The following GTF3C1 variants were observed in gnomAD, a reference collection of about 807,000 sequenced individuals.
The protein encoded by GTF3C1 is general transcription factor IIIC subunit 1.
A neutral mutation model predicts 226.7 loss-of-function variants in GTF3C1; 57 were observed. The observed-to-expected ratio is 0.25, with a 90% CI of 0.20 to 0.31. The LOEUF (loss-of-function observed/expected upper bound fraction) is 0.31, where lower values mean the gene tolerates loss of function less well. Ranked by LOEUF, GTF3C1 falls within the 10% of genes least tolerant of loss-of-function variation. The probability of loss-of-function intolerance (pLI) is 1.00; values close to 1 mark genes in which losing one functional copy is unlikely to be tolerated. For synonymous variants in GTF3C1, 1,090 were observed against 1,084.8 expected, an observed-to-expected ratio of 1.00 and a Z score of -0.09; for missense variants, 2,217 against 2,776.1, an observed-to-expected ratio of 0.80 and a Z score of 4.53.
At chr16:27,509,456 T>C (rs1195853376) in intron 7 of GTF3C1, among the ~76,000 whole-genome samples, 1 of 152,158 alleles carries the variant, frequency 6.6e-6, no homozygotes, top group African/African-American at 2.4e-5. Flanking sequence ...TCTTTGACTT[T>C]TCAGAAGTAT....
intron 6 of GTF3C1, among the ~76,000 whole-genome samples, chr16:27,526,972 A>G (rs1038964609): frequency 6.6e-6 from 1 of 152,220 alleles, no homozygotes; most frequent in African/African-American, 2.4e-5. Context: ...TTGGGAGGCC[A>G]AGGCAGGAGA....
At chr16:27,547,130 C>T (rs537675845) in intron 1 of GTF3C1, among the ~76,000 whole-genome samples, 6 of 152,252 alleles carry the variant, frequency 3.9e-5, no homozygotes, top group East Asian at 1.9e-4. Context: ...CCAGCCACAC[C>T]GCCTCAGTCT....
intron 26 of GTF3C1, chr16:27,482,645 G>A (rs2088073122): frequency 8.7e-6 from 4 of 458,888 alleles, no homozygotes; most frequent in South Asian, 4.6e-5. Flanking sequence ...GCGAAGGGCA[G>A]GAGTCTGGGT....
In GTF3C1 at chr16:27,483,034, C is replaced by T; in HGVS notation, c.4083+10G>A. The T allele has an allele frequency of 1.2e-6, 2 of 1,613,344 alleles. No homozygotes were observed. The highest frequency in any genetic ancestry group is 2.2e-5 in the East Asian group (1 of 44,892). On this transcript the variant is annotated intron_variant, in intron 26 of 36. Transcript: ENST00000356183. ...AAGCATACCAAGCCCTACACTCACA[C>T]AGGACCTACCTTTGGGTCATCATAG...
At chr16:27,534,348 T>C (rs990198823) in intron 4 of GTF3C1, among the ~76,000 whole-genome samples, 13 of 152,236 alleles carry the variant, frequency 8.5e-5, no homozygotes, top group Non-Finnish European at 1.3e-4. Flanking sequence ...GGAGAAATCT[T>C]GTGGCCAGTT....
intron 6 of GTF3C1, among the ~76,000 whole-genome samples, chr16:27,519,993 T>G (rs1447565445): frequency 6.6e-6 from 1 of 152,184 alleles, no homozygotes; most frequent in African/African-American, 2.4e-5. Context: ...CACACCCCTG[T>G]AGTCCCACTA....
intron 25 of GTF3C1, 137 bp downstream of exon 25, chr16:27,484,074 A>G: frequency 3.0e-6 from 2 of 670,456 alleles, no homozygotes; most frequent in South Asian, 3.8e-5. Context: ...ACCAAGGTCC[A>G]TCTCCCCAGC....
At chr16:27,533,203 T>A in intron 5 of GTF3C1, 88 bp downstream of exon 5, 1 of 680,352 alleles carries the variant, frequency 1.5e-6, no homozygotes, top group Non-Finnish European at 2.7e-6. Flanking sequence ...GGGCTTTGGG[T>A]TGCAATTCAT....
rs1416809166 is a variant in GTF3C1, at chr16:27,507,103, C to T, written c.1296G>A (p.Val432=). 1 of 1,613,498 alleles carries T rather than the reference C, an allele frequency of 6.2e-7. No homozygotes were observed. The highest frequency in any genetic ancestry group is 8.5e-7 in the Non-Finnish European group (1 of 1,179,906). Residue 432 remains valine, a synonymous_variant, in exon 9 of 37, where the codon GTG becomes GTA. Transcript: ENST00000356183. The surrounding 1 kb of genome is among the most constrained non-coding windows in gnomAD (Gnocchi z 4.9). Reference sequence around the variant, plus strand: ...GGCTTAGGTCGCTCTCCTCTGCAAACACGCAGGAAATGTACTTGGTGGTTC... The same window carrying T: ...GGCTTAGGTCGCTCTCCTCTGCAAATACGCAGGAAATGTACTTGGTGGTTC... ...RQRTTKYISC[V]FAEESDLSRQ...
rs1249825367 is a variant in GTF3C1 at position 27,465,291 on chromosome 16, C to T, written c.5324G>A (p.Gly1775Glu). The T allele has an allele frequency of 4.3e-6, 7 of 1,614,020 alleles. No homozygotes were observed. Among genetic ancestry groups the T allele is most frequent in the South Asian group, 2.2e-5 (2 of 91,080 alleles). ...RFSALEKAGGGRTRTFADCIQ... is the reference protein window; with the variant it reads ...RFSALEKAGGERTRTFADCIQ... ...GCAATCTGCGAATGTCCTGGTGCGCCCACCACCTGCCTTCTCCAAGGCCGA... is the reference window on the plus strand; with the variant it reads ...GCAATCTGCGAATGTCCTGGTGCGCTCACCACCTGCCTTCTCCAAGGCCGA... Residue 1775 changes from glycine (G) to glutamate (E), a missense_variant, in exon 33 of 37, where the codon GGG becomes GAG. Around this residue, in one of 12 missense-constraint regions of GTF3C1, gnomAD observed 455 missense variants for 441.9 expected, o/e 1.03. Coordinates refer to ENST00000356183, the MANE Select transcript of GTF3C1 (RefSeq NM_001520.4).
chr16:27,484,071 T>G (rs1012621822), intron 25 of GTF3C1, 140 bp downstream of exon 25: 5 of 656,486 alleles, frequency 7.6e-6, no homozygotes, highest in Non-Finnish European at 1.4e-5. Context: ...AAAACCAAGG[T>G]CCATCTCCCC....
rs753310503 is a variant in GTF3C1, at chr16:27,462,318, G to A, written c.6093C>T (p.Pro2031=). ...CCTGGAGCAACTCCAGCACGGCGAC[G>A]GGCTGCAGGACCCCCTGGTAGTGGC... is the stretch of plus-strand genomic sequence containing the variant. ...LLRHYQGVLQ[P]VAVLELLQGL... Residue 2031 remains proline, a synonymous_variant, in exon 36 of 37, where the codon CCC becomes CCT. Transcript: ENST00000356183. The surrounding 1 kb of genome is among the most constrained non-coding windows in gnomAD (Gnocchi z 4.5). The A allele has an allele frequency of 3.1e-5, 48 of 1,558,358 alleles. No homozygotes were observed. Among genetic ancestry groups the A allele is most frequent in the Non-Finnish European group, 3.7e-5 (43 of 1,151,598 alleles).
intron 29 of GTF3C1, among the ~76,000 whole-genome samples, chr16:27,475,793 A>G (rs2087942978): frequency 1.3e-5 from 2 of 151,774 alleles, no homozygotes; most frequent in Non-Finnish European, 2.9e-5. Context: ...CCATCCAGTG[A>G]CCTCCCACAA....
chr16:27,473,240 C>T (rs568305777), intron 29 of GTF3C1, among the ~76,000 whole-genome samples: 4 of 152,320 alleles, frequency 2.6e-5, no homozygotes, highest in East Asian at 1.9e-4. Context: ...AGTGCCTAGG[C>T]GGAAGGAAGT....
At chr16:27,480,404 T>C (rs889188710) in intron 27 of GTF3C1, among the ~76,000 whole-genome samples, 3 of 152,092 alleles carry the variant, frequency 2.0e-5, no homozygotes, top group African/African-American at 7.2e-5. Context: ...TACAAACTGC[T>C]CTTTAGGCAT....
At chr16:27,486,583 G>A (rs28709882) in intron 23 of GTF3C1, among the ~76,000 whole-genome samples, 1,551 of 152,252 alleles carry the variant, frequency 0.01, 27 homozygotes, top group African/African-American at 0.035. Flanking sequence ...GTGACCACAC[G>A]GGCGTTGTGT....
rs760233470 is a variant in GTF3C1 at position 27,489,717 on chromosome 16, T to C, written c.3178A>G (p.Lys1060Glu). The change falls in exon 20 of 37, where the codon AAG (lysine) becomes GAG (glutamate). Residue 1060 changes from lysine (K) to glutamate (E), a missense_variant. Physicochemically the swap from Lys to Glu is moderately conservative, Grantham distance 56 (BLOSUM62 1). Around this residue, in one of 12 missense-constraint regions of GTF3C1, gnomAD observed 353 missense variants for 411.7 expected, o/e 0.86. Coordinates refer to ENST00000356183, the MANE Select transcript of GTF3C1 (RefSeq NM_001520.4). ...LGVVRCPRVR[K>E]NSSTDQGSDE... is the part of the protein sequence containing the mutation. ...CTGCCCTGGTCTGTGCTGCTGTTCT[T>C]CCTGACGCGCGGGCAGCGCACCACG... 11 of 1,612,100 alleles carry C rather than the reference T, an allele frequency of 6.8e-6. No individual in the cohort carries two copies. Among genetic ancestry groups the C allele is most frequent in the Non-Finnish European group, 8.5e-6 (10 of 1,179,820 alleles).
At chr16:27,501,969 C>G (rs2088411351) in intron 11 of GTF3C1, among the ~76,000 whole-genome samples, 1 of 151,970 alleles carries the variant, frequency 6.6e-6, no homozygotes, top group African/African-American at 2.4e-5. Context: ...CAGGTGGGTG[C>G]CTGTAATCCC....
Position 27,478,546 on chromosome 16 carries a change from TAACAGCATGTCAGTGAAACAA to T in GTF3C1, c.4197-36_4197-16del. The T allele has an allele frequency of 1.3e-6, 2 of 1,594,116 alleles. No individual in the cohort carries two copies. The highest frequency in any genetic ancestry group is 2.7e-5 in the African/African-American group (2 of 74,634). On this transcript the variant is annotated splice_polypyrimidine_tract_variant and intron_variant, in intron 27 of 36. Transcript: ENST00000356183. Reference sequence around the variant, plus strand: ...AAACTCGGTACCTGCAAAAGAAACATAACAGCATGTCAGTGAAACAAAACAGCTCCTCACTAAGCAAGCGGA... The same window carrying T: ...AAACTCGGTACCTGCAAAAGAAACATAACAGCTCCTCACTAAGCAAGCGGA...
Sources: allele counts gnomAD v4.1 joint callset (sites outside exome capture counted in the v4.1 genomes callset), GRCh38; gene constraint gnomAD v4.1.1; regional missense constraint gnomAD v4.1.1; non-coding constraint Gnocchi (gnomAD v3.1); transcripts MANE v1.5; gene names NCBI Gene and HGNC (gene_info 2026-07-23, HGNC 2026-07-21).